ANKRD13C: variants seen among roughly 807,000 people sequenced by gnomAD.
ANKRD13C encodes the protein ankyrin repeat domain-containing protein 13C.
Under a neutral mutation model 65.5 loss-of-function variants are expected in ANKRD13C, and 16 were observed. The observed-to-expected ratio is 0.24, with a 90% CI of 0.17 to 0.37. The LOEUF (loss-of-function observed/expected upper bound fraction) is 0.37. ANKRD13C is among the 10% of genes least tolerant of loss of function. The pLI, the probability that ANKRD13C is intolerant of heterozygous loss-of-function variation, is 1.00. For synonymous variants in ANKRD13C, 235 were observed against 238.7 expected (o/e 0.98, Z 0.14); for missense variants, 503 against 655.9 (o/e 0.77, Z 2.55).
chr1:70,311,456 T>C (rs1471793991), intron 5 of ANKRD13C, among the ~76,000 whole-genome samples: 1 of 152,068 alleles, frequency 6.6e-6, no homozygotes, highest in Non-Finnish European at 1.5e-5. Context: ...GCCTGGGTGA[T>C]AGAGTGAGAC....
At chr1:70,297,806 G>A (rs1234754863) in intron 7 of ANKRD13C, among the ~76,000 whole-genome samples, 3 of 150,398 alleles carry the variant, frequency 2.0e-5, no homozygotes, top group Non-Finnish European at 3.0e-5. Flanking sequence ...CCAGCTACTC[G>A]GGAGGCTAAG....
intron 2 of ANKRD13C, among the ~76,000 whole-genome samples, chr1:70,331,875 T>G (rs946173253): frequency 4.6e-5 from 7 of 151,364 alleles, no homozygotes; most frequent in African/African-American, 1.2e-4. Flanking sequence ...ATGTTTTACT[T>G]TCCACTACAT....
At chr1:70,340,363 T>A (rs556327686) in intron 1 of ANKRD13C, among the ~76,000 whole-genome samples, 3 of 152,346 alleles carry the variant, frequency 2.0e-5, no homozygotes, top group African/African-American at 7.2e-5. Flanking sequence ...TCTACCTTTT[T>A]AAAAATGTCT....
At chr1:70,268,125 A>G (rs1678713429) in intron 12 of ANKRD13C, among the ~76,000 whole-genome samples, 1 of 152,174 alleles carries the variant, frequency 6.6e-6, no homozygotes, top group Admixed American at 6.5e-5. Flanking sequence ...CAGTACAGAC[A>G]GGTAGAAGGA....
chr1:70,351,185 C>T (rs1178598265), intron 1 of ANKRD13C, among the ~76,000 whole-genome samples: 1 of 152,142 alleles, frequency 6.6e-6, no homozygotes, highest in Non-Finnish European at 1.5e-5. Context: ...CACTTAGCAC[C>T]CTGCTGACCC....
In ANKRD13C at chr1:70,354,665, G is replaced by A; in HGVS notation, c.-257C>T. ...ACACCAGGATCTCAGTCTCGCCGTC[G>A]CAGCCGCCGTCGCTGCCTTACACCG... On this transcript the variant is annotated 5_prime_UTR_variant, in exon 1 of 13. Coordinates refer to ENST00000370944, the MANE Select transcript of ANKRD13C (RefSeq NM_030816.5). 1 of 884,040 alleles carries A rather than the reference G, an allele frequency of 1.1e-6. No homozygotes were observed. The highest frequency in any genetic ancestry group is 1.7e-6 in the Non-Finnish European group (1 of 598,494). 54.8% of individuals were successfully genotyped at this position (884,040 alleles called of 1,614,324 possible).
chr1:70,266,016 A>G (rs1364957499), intron 12 of ANKRD13C, among the ~76,000 whole-genome samples: 2 of 151,994 alleles, frequency 1.3e-5, no homozygotes, highest in African/African-American at 4.8e-5. Flanking sequence ...CATCTTACAA[A>G]TAATACAACA....
chr1:70,266,780 T>C (rs888401367), intron 12 of ANKRD13C, among the ~76,000 whole-genome samples: 2 of 152,244 alleles, frequency 1.3e-5, no homozygotes, highest in Non-Finnish European at 2.9e-5. Context: ...CCTAGTTTAA[T>C]TCCATTGTAA....
chr1:70,293,525 C>G, intron 8 of ANKRD13C: 1 of 982,864 alleles, frequency 1.0e-6, no homozygotes, highest in Non-Finnish European at 1.2e-6. Context: ...TTAAGAAGAT[C>G]ACCTAGATGC....
intron 2 of ANKRD13C, among the ~76,000 whole-genome samples, chr1:70,328,191 G>C (rs1170127378): frequency 6.6e-6 from 1 of 151,888 alleles, no homozygotes; most frequent in Admixed American, 6.6e-5. Context: ...TCAATTTTGG[G>C]GGTATATTTA....
chr1:70,340,835 G>C (rs573497077), intron 1 of ANKRD13C, among the ~76,000 whole-genome samples: 2 of 152,058 alleles, frequency 1.3e-5, no homozygotes, highest in Non-Finnish European at 2.9e-5. Context: ...TATTGGGGGC[G>C]GGCACGGTGG....
At chr1:70,297,989 T>TCTACCC (rs1680169396) in intron 7 of ANKRD13C, among the ~76,000 whole-genome samples, 1 of 151,656 alleles carries the variant, frequency 6.6e-6, no homozygotes, top group Admixed American at 6.6e-5. Context: ...TACCATTTCC[T>TCTACCC]CTACCCCTAC....
Position 70,260,107 on chromosome 1 carries a change from T to G in ANKRD13C, c.*2610A>C, listed in dbSNP as rs1678338366. Among the ~76,000 whole-genome samples, 1 of 152,200 alleles carries G rather than the reference T, an allele frequency of 6.6e-6. No individual in the cohort carries two copies. Among genetic ancestry groups the G allele is most frequent in the Non-Finnish European group, 1.5e-5 (1 of 68,010 alleles). ...CATGAGTGGGGCTTAATTCCAGTTC[T>G]GAGCAGAAGGAAACAGTTTTTCATC... On this transcript the variant is annotated 3_prime_UTR_variant, in exon 13 of 13. Transcript: ENST00000370944.
intron 7 of ANKRD13C, among the ~76,000 whole-genome samples, chr1:70,300,056 CA>C (rs1558283048): frequency 6.6e-6 from 1 of 151,992 alleles, no homozygotes; most frequent in Non-Finnish European, 1.5e-5. Flanking sequence ...AGTAAGACTG[CA>C]GACAGAGCCA....
intron 1 of ANKRD13C, among the ~76,000 whole-genome samples, chr1:70,349,232 G>A (rs1443409414): frequency 6.6e-6 from 1 of 152,004 alleles, no homozygotes; most frequent in Non-Finnish European, 1.5e-5. Context: ...CTTACACTCT[G>A]ACTATGGAAA....
At chr1:70,320,448 T>C (rs566172140) in intron 3 of ANKRD13C, among the ~76,000 whole-genome samples, 1 of 151,744 alleles carries the variant, frequency 6.6e-6, no homozygotes, top group East Asian at 2.0e-4. Context: ...GATCCTCCCA[T>C]CTCAGCTCCC....
intron 1 of ANKRD13C, among the ~76,000 whole-genome samples, chr1:70,344,606 AT>A (rs1682451621): frequency 6.6e-6 from 1 of 152,176 alleles, no homozygotes; most frequent in African/African-American, 2.4e-5. Flanking sequence ...AACAAATATT[AT>A]TCCTATTTCT....
intron 9 of ANKRD13C, among the ~76,000 whole-genome samples, chr1:70,291,744 T>G (rs1045309102): frequency 7.2e-5 from 11 of 151,980 alleles, no homozygotes; most frequent in African/African-American, 2.7e-4. Context: ...GAGGCGGAAG[T>G]TGCAGTGAAC....
rs114123570 is a variant in ANKRD13C, at chr1:70,325,074, C to T, written c.473-117G>A. On this transcript the variant is annotated intron_variant, in intron 2 of 12. Coordinates refer to ENST00000370944, the MANE Select transcript of ANKRD13C (RefSeq NM_030816.5). ...ATAAATAGATGAAATAAACATTGTA[C>T]CATGTAGAATTATGTAATTTGAAAA... 3,881 of 670,878 alleles carry T rather than the reference C, an allele frequency of 5.8e-3. 125 individuals are homozygous for T. In the African/African-American group the frequency reaches 0.065, roughly 11 times the overall value. The allele number at this position is 670,878 out of a possible 1,614,324, so 41.6% of individuals were successfully genotyped here. A position where few individuals can be genotyped will look rare whatever the true frequency, so the allele number is the denominator to read the frequency against.
Sources: allele counts gnomAD v4.1 joint callset (sites outside exome capture counted in the v4.1 genomes callset), GRCh38; gene constraint gnomAD v4.1.1; transcripts MANE v1.5; gene names NCBI Gene and HGNC (gene_info 2026-07-23, HGNC 2026-07-21).